Variants in FUNDC2 observed in about 807,000 individuals in gnomAD.
FUNDC2 encodes the protein FUN14 domain-containing protein 2.
A neutral mutation model predicts 15.6 loss-of-function variants in FUNDC2; 4 were observed. That is an observed-to-expected ratio of 0.26 (90% confidence interval 0.13 to 0.59). The LOEUF (loss-of-function observed/expected upper bound fraction) is 0.59. FUNDC2 is among the 20% of genes least tolerant of loss of function. The pLI, the probability that FUNDC2 is intolerant of heterozygous loss-of-function variation, is 0.90. For missense variants in FUNDC2, 98 were observed against 149.7 expected (o/e 0.65, Z 1.80); for synonymous variants, 44 against 56.9 (o/e 0.77, Z 1.02).
At chrX:155,029,183 C>T (rs1267850636) in intron 1 of FUNDC2, among the ~76,000 whole-genome samples, 1 of 111,849 alleles carries the variant, frequency 8.9e-6, no homozygotes, top group Admixed American at 9.5e-5. Context: ...GAAGCCTAGA[C>T]TGACTCACAT....
At position 155,047,392 on chromosome X, in the gene FUNDC2, G is replaced by C. The variant is rs371376714; in HGVS notation, c.360+808G>C. 88 of 340,957 alleles carry C rather than the reference G, an allele frequency of 2.6e-4. No individual in the cohort carries two copies. The East Asian group carries it at 6.5e-3, about 25-fold the overall frequency. The allele number at this position is 340,957 out of a possible 1,213,427, so 28.1% of individuals were successfully genotyped here. ...AGTTGGCAACCCTCACTTTTGCAAG[G>C]TAAGTTCTGCATTAGCACCATGATT... On this transcript the variant is annotated intron_variant, in intron 3 of 4. Coordinates refer to ENST00000369498, the MANE Select transcript of FUNDC2 (RefSeq NM_023934.4).
Position 155,057,438 on chromosome X carries a change from G to C in FUNDC2, c.*2766G>C, listed in dbSNP as rs1380721407. The C allele has an allele frequency of 1.8e-5, 2 of 112,039 alleles. No individual in the cohort carries two copies. Among genetic ancestry groups the C allele is most frequent in the Non-Finnish European group, 1.9e-5 (1 of 53,163 alleles). The allele number at this position is 112,039 out of a possible 1,213,427, so 9.2% of individuals were successfully genotyped here. A position where few individuals can be genotyped will look rare whatever the true frequency, so the allele number is the denominator to read the frequency against. ...TGACGCTCTGGACTTCCTAATTAGT[G>C]GTGGTGGGGCGGAAGTTTTTCCTTG... On this transcript the variant is annotated 3_prime_UTR_variant, in exon 5 of 5. Coordinates refer to ENST00000369498, the MANE Select transcript of FUNDC2 (RefSeq NM_023934.4).
intron 3 of FUNDC2, among the ~76,000 whole-genome samples, 197 bp downstream of exon 3, chrX:155,046,781 C>A (rs1315003663): frequency 8.9e-6 from 1 of 112,330 alleles, no homozygotes; most frequent in Non-Finnish European, 1.9e-5. Context: ...ATTTGCCAGT[C>A]CCATTTTATT....
chrX:155,051,673 G>C lies in FUNDC2; in HGVS notation c.364G>C (p.Ala122Pro). The C allele has an allele frequency of 8.3e-7, 1 of 1,209,803 alleles. No individual in the cohort carries two copies. The highest frequency in any genetic ancestry group is 1.7e-5 in the African/African-American group (1 of 57,830). The change falls in exon 4 of 5, where the codon GCA becomes CCA. Residue 122 changes from alanine (A) to proline (P), a missense_variant. Ala to Pro is a conservative substitution (Grantham distance 27). Coordinates refer to ENST00000369498, the MANE Select transcript of FUNDC2 (RefSeq NM_023934.4). Reference protein sequence around the residue: ...VGGGFFLLQLANHTGYIKVDW... With the variant: ...VGGGFFLLQLPNHTGYIKVDW... Reference sequence around the variant, plus strand: ...GTCATTATTGTTGATACTGTAGCTTGCAAACCATACTGGGTACATCAAAGT... The same window carrying C: ...GTCATTATTGTTGATACTGTAGCTTCCAAACCATACTGGGTACATCAAAGT...
intron 4 of FUNDC2, 81 bp from the exon 5 acceptor site, chrX:155,054,514 G>A: frequency 8.4e-7 from 1 of 1,190,800 alleles, no homozygotes; most frequent in South Asian, 1.8e-5. Flanking sequence ...TGTTAAGACT[G>A]GCATAGGTAT....
chrX:155,030,931 C>A (rs782805909), intron 1 of FUNDC2, among the ~76,000 whole-genome samples: 170 of 110,995 alleles, frequency 1.5e-3, no homozygotes, highest in African/African-American at 5.2e-3. Flanking sequence ...AGGTGATCCA[C>A]CCGCCTCGGC....
intron 4 of FUNDC2, among the ~76,000 whole-genome samples, 174 bp downstream of exon 4, chrX:155,051,975 ATAAT>A (rs1266599033): frequency 8.9e-6 from 1 of 112,828 alleles, no homozygotes; most frequent in Non-Finnish European, 1.9e-5. Context: ...TAAAAGCTGG[ATAAT>A]TGTTTGGTGA....
intron 1 of FUNDC2, among the ~76,000 whole-genome samples, chrX:155,029,724 G>A (rs927249509): frequency 3.2e-5 from 3 of 95,034 alleles, no homozygotes; most frequent in East Asian, 3.2e-4. Context: ...TTGCACTCCA[G>A]CCTGGGCAAA....
Position 155,056,475 on chromosome X carries a change from G to A in FUNDC2, c.*1803G>A, listed in dbSNP as rs2073897545. On this transcript the variant is annotated 3_prime_UTR_variant, in exon 5 of 5. Coordinates refer to ENST00000369498, the MANE Select transcript of FUNDC2 (RefSeq NM_023934.4). ...TCAAAATTCATGCAAGGTTCACATC[G>A]TATTTGCATGATTTGGATAAGTCTC... The A allele has an allele frequency of 9.1e-6, 1 of 109,351 alleles. No individual in the cohort carries two copies. The highest frequency in any genetic ancestry group is 1.9e-5 in the Non-Finnish European group (1 of 52,681). 9.0% of individuals were successfully genotyped at this position (109,351 alleles called of 1,213,427 possible). A position where few individuals can be genotyped will look rare whatever the true frequency, so the allele number is the denominator to read the frequency against.
chrX:155,046,309 G>A (rs2073862241), intron 2 of FUNDC2, among the ~76,000 whole-genome samples, 200 bp from the exon 3 acceptor site: 1 of 111,293 alleles, frequency 9.0e-6, no homozygotes. Flanking sequence ...GAGTTTTAAG[G>A]GACTTACTCA....
chrX:155,039,137 A>G (rs1175765199), intron 2 of FUNDC2, among the ~76,000 whole-genome samples: 1 of 111,343 alleles, frequency 9.0e-6, no homozygotes, highest in Non-Finnish European at 1.9e-5. Flanking sequence ...TTTATTGGCC[A>G]TTTGTATGTT....
At chrX:155,052,347 G>T (rs1557290563) in intron 4 of FUNDC2, among the ~76,000 whole-genome samples, 1 of 112,473 alleles carries the variant, frequency 8.9e-6, no homozygotes, top group Non-Finnish European at 1.9e-5. Context: ...AGCCAAGTTA[G>T]ATTATGACCT....
intron 4 of FUNDC2, among the ~76,000 whole-genome samples, chrX:155,053,593 G>C (rs782472653): frequency 3.0e-4 from 34 of 111,613 alleles, no homozygotes; most frequent in Non-Finnish European, 5.8e-4. Flanking sequence ...AGAGATGGAG[G>C]AGGAGTGGAA....
At chrX:155,043,111 A>T (rs1455527930) in intron 2 of FUNDC2, among the ~76,000 whole-genome samples, 2 of 111,074 alleles carry the variant, frequency 1.8e-5, no homozygotes, top group Non-Finnish European at 3.8e-5. Flanking sequence ...AATTTAAAAA[A>T]GTTATTTTTA....
Position 155,057,032 on chromosome X carries a change from GGCCTC to G in FUNDC2, c.*2361_*2365del, listed in dbSNP as rs2073905650. 1 of 98,127 alleles carries G rather than the reference GGCCTC, an allele frequency of 1.0e-5. No homozygotes were observed. Among genetic ancestry groups the G allele is most frequent in the African/African-American group, 3.7e-5 (1 of 26,865 alleles). The allele number at this position is 98,127 out of a possible 1,213,427, so 8.1% of individuals were successfully genotyped here. A position where few individuals can be genotyped will look rare whatever the true frequency, so the allele number is the denominator to read the frequency against. On this transcript the variant is annotated 3_prime_UTR_variant, in exon 5 of 5. Transcript: ENST00000369498. ...ATGGTTGAGGTCAGTATTGCAGGTT[GGCCTC>G]ATCCTGCTAGTATGAGAACGGCTGT... is the stretch of plus-strand genomic sequence containing the variant.
At position 155,056,931 on chromosome X, in the gene FUNDC2, T is replaced by C. The variant is rs1219043115; in HGVS notation, c.*2259T>C. On this transcript the variant is annotated 3_prime_UTR_variant, in exon 5 of 5. Coordinates refer to ENST00000369498, the MANE Select transcript of FUNDC2 (RefSeq NM_023934.4). The stretch of plus-strand genomic sequence containing the variant: ...GTCTGGCCTCAGACTGTATTCTGAT[T>C]GTCTGAATTAAGATCTGTAGGTAGG... 4.5e-5 allele frequency: 5 copies of C among 111,271 alleles called. No homozygotes were observed. Among genetic ancestry groups the C allele is most frequent in the Non-Finnish European group, 9.4e-5 (5 of 52,940 alleles). 9.2% of individuals were successfully genotyped at this position (111,271 alleles called of 1,213,427 possible). A position where few individuals can be genotyped will look rare whatever the true frequency, so the allele number is the denominator to read the frequency against.
At chrX:155,036,281 C>T (rs1003160822) in intron 2 of FUNDC2, among the ~76,000 whole-genome samples, 3 of 112,212 alleles carry the variant, frequency 2.7e-5, no homozygotes, top group Non-Finnish European at 5.6e-5. Flanking sequence ...AGCATTTTCA[C>T]GGGCTTATTT....
rs782407786 is a variant in FUNDC2 at position 155,043,581 on chromosome X, T to C, written c.285-2928T>C. Among the ~76,000 whole-genome samples the C allele has an allele frequency of 7.1e-5, 8 of 112,400 alleles. No homozygotes were observed. In the South Asian group the frequency reaches 1.8e-3, roughly 25 times the overall value. On this transcript the variant is annotated intron_variant, in intron 2 of 4. Transcript: ENST00000369498. ...GATCTTTTTGGGTCTTGCTTTGTTA[T>C]TAGGCTTTATTTAAAATGTGTGTTT...
intron 4 of FUNDC2, among the ~76,000 whole-genome samples, chrX:155,052,676 T>G (rs1034907462): frequency 2.7e-5 from 3 of 111,496 alleles, no homozygotes; most frequent in Non-Finnish European, 5.7e-5. Flanking sequence ...AAGTGGCTGG[T>G]CAAAGCTGGT....
Sources: gnomAD v4.1 joint callset for allele counts (sites outside exome capture counted in the v4.1 genomes callset) on GRCh38, gnomAD v4.1.1 for gene constraint, MANE v1.5 for transcripts, NCBI Gene and HGNC (gene_info 2026-07-23, HGNC 2026-07-21) for gene names.